The following PLD5 variants were observed in gnomAD, a reference collection of about 807,000 sequenced individuals.
PLD5 encodes the protein phospholipase D family member 5.
In PLD5, 36 loss-of-function variants were observed where a neutral mutation model predicts 61.1. That is an observed-to-expected ratio of 0.59 (90% CI 0.45 to 0.78). The LOEUF (loss-of-function observed/expected upper bound fraction) is 0.78, where lower values mean the gene tolerates loss of function less well. Ranked by LOEUF, PLD5 falls within the 30% of genes least tolerant of loss-of-function variation. The pLI is 0.00. For synonymous variants in PLD5, 243 were observed against 242.8 expected (o/e 1.00, Z -0.01); for missense variants, 515 against 644.4 (o/e 0.80, Z 2.17).
chr1:242,365,006 A>T lies in PLD5; in HGVS notation c.190-16764T>A, dbSNP rs1425876152. On this transcript the variant is annotated intron_variant, in intron 1 of 9. Transcript: ENST00000536534. ...AAAAAAGAGAAGATACAAATTCCAA[A>T]TATCTCTATGAGAAACAGGACATCA... is the stretch of plus-strand genomic sequence containing the variant. Among the ~76,000 whole-genome samples, 6 of 152,180 alleles carry T rather than the reference A, an allele frequency of 3.9e-5. No individual in the cohort carries two copies. In the South Asian group the frequency reaches 1.0e-3, roughly 26 times the overall value.
intron 5 of PLD5, among the ~76,000 whole-genome samples, chr1:242,134,102 C>G (rs557927723): frequency 2.6e-4 from 40 of 152,280 alleles, no homozygotes; most frequent in Non-Finnish European, 4.9e-4. Context: ...TGACAAAACA[C>G]TGGGCAAGAC....
intron 2 of PLD5, among the ~76,000 whole-genome samples, chr1:242,321,107 T>C (rs991653658): frequency 1.3e-5 from 2 of 152,146 alleles, no homozygotes; most frequent in Non-Finnish European, 2.9e-5. Context: ...GACTGCTTGC[T>C]CAGAGACCCA....
rs1659380728 is a variant in PLD5, at chr1:242,084,778, T to TTTTTTTTTTTA, written c.*5075_*5076insTAAAAAAAAAA. 8.2e-6 allele frequency: 1 copy of TTTTTTTTTTTA among 121,818 alleles called. No individual in the cohort carries two copies. Among genetic ancestry groups the TTTTTTTTTTTA allele is most frequent in the South Asian group, 2.8e-4 (1 of 3,590 alleles). 7.5% of individuals were successfully genotyped at this position (121,818 alleles called of 1,614,324 possible). ...TTTTTTTTTTTTTTTTTTTTTTTTT[T>TTTTTTTTTTTA]AGAGAAAGAGATAGGTATAGTGTTT... On this transcript the variant is annotated 3_prime_UTR_variant, in exon 10 of 10. Transcript: ENST00000536534.
chr1:242,215,683 C>G (rs1443003483), intron 5 of PLD5, among the ~76,000 whole-genome samples: 4 of 152,108 alleles, frequency 2.6e-5, no homozygotes, highest in Non-Finnish European at 2.9e-5. Flanking sequence ...TAGGACCTAA[C>G]CCGGTACCAG....
intron 2 of PLD5, among the ~76,000 whole-genome samples, chr1:242,322,763 C>T (rs1658501226): frequency 6.6e-6 from 1 of 152,162 alleles, no homozygotes. Flanking sequence ...TCCCCTTTGC[C>T]TTTTGCCACA....
At chr1:242,447,996 A>T (rs1175354194) in intron 1 of PLD5, among the ~76,000 whole-genome samples, 2 of 152,350 alleles carry the variant, frequency 1.3e-5, no homozygotes, top group East Asian at 3.9e-4. Flanking sequence ...CGAAGCACTC[A>T]GAGTCCCATT....
chr1:242,214,812 C>A lies in PLD5; in HGVS notation c.735+5176G>T, dbSNP rs868186977. 1.1e-4 allele frequency among the ~76,000 whole-genome samples: 17 copies of A among 151,072 alleles called. 1 individual carries two copies. The highest frequency in any genetic ancestry group is 3.4e-3 in the Middle Eastern group (1 of 290). On this transcript the variant is annotated intron_variant, in intron 5 of 9. Coordinates refer to ENST00000536534, the MANE Select transcript of PLD5 (RefSeq NM_001372062.1). Reference sequence around the variant, plus strand: ...GTACATTTAGCCATTGATACCAACACTCATCTAATTAGTGCACATGCTCTT... The same window carrying A: ...GTACATTTAGCCATTGATACCAACAATCATCTAATTAGTGCACATGCTCTT...
chr1:242,426,600 T>C (rs939687319), intron 1 of PLD5, among the ~76,000 whole-genome samples: 11 of 152,232 alleles, frequency 7.2e-5, no homozygotes, highest in African/African-American at 2.2e-4. Context: ...GGGACTGATA[T>C]CATACATGTG....
intron 2 of PLD5, among the ~76,000 whole-genome samples, chr1:242,341,422 T>G (rs887125593): frequency 6.6e-6 from 1 of 152,174 alleles, no homozygotes; most frequent in African/African-American, 2.4e-5. Context: ...GATATAAATC[T>G]AGATGTCTGT....
At chr1:242,126,981 AAGT>A (rs142742660) in intron 5 of PLD5, among the ~76,000 whole-genome samples, 7,374 of 152,202 alleles carry the variant, frequency 0.048, 596 homozygotes, top group African/African-American at 0.17. Flanking sequence ...CCCCATAAAA[AAGT>A]AGGCTAAGGA....
At chr1:242,418,649 T>G (rs1664959446) in intron 1 of PLD5, among the ~76,000 whole-genome samples, 1 of 152,198 alleles carries the variant, frequency 6.6e-6, no homozygotes, top group Non-Finnish European at 1.5e-5. Flanking sequence ...GTTCAAATGC[T>G]GCTGGTAGAT....
At chr1:242,131,985 C>G (rs1663295095) in intron 5 of PLD5, among the ~76,000 whole-genome samples, 1 of 151,574 alleles carries the variant, frequency 6.6e-6, no homozygotes, top group Admixed American at 6.6e-5. Context: ...GAGCACGCCA[C>G]TATGCCTGGC....
chr1:242,323,726 A>G (rs1260865222), intron 2 of PLD5, among the ~76,000 whole-genome samples: 1 of 152,126 alleles, frequency 6.6e-6, no homozygotes, highest in Non-Finnish European at 1.5e-5. Context: ...ACATTTAAAC[A>G]TTTTATTTTT....
chr1:242,443,590 C>G (rs547340504), intron 1 of PLD5, among the ~76,000 whole-genome samples: 322 of 152,012 alleles, frequency 2.1e-3, no homozygotes, highest in African/African-American at 7.3e-3. Context: ...AGTACAAAGG[C>G]AAAAAGTAAT....
intron 1 of PLD5, among the ~76,000 whole-genome samples, chr1:242,374,259 T>C (rs1661819270): frequency 1.3e-5 from 2 of 152,152 alleles, no homozygotes; most frequent in South Asian, 4.1e-4. Flanking sequence ...GAATAAGTTA[T>C]TAGAAGATCA....
intron 5 of PLD5, among the ~76,000 whole-genome samples, chr1:242,196,296 CG>C (rs1553321583): frequency 6.6e-6 from 1 of 152,156 alleles, no homozygotes; most frequent in Non-Finnish European, 1.5e-5. Flanking sequence ...TGCCCTCACG[CG>C]CTGTCGGTAC....
intron 1 of PLD5, among the ~76,000 whole-genome samples, chr1:242,389,381 CA>C (rs1023257993): frequency 2.0e-5 from 3 of 151,620 alleles, no homozygotes; most frequent in African/African-American, 4.8e-5. Flanking sequence ...TTTCGTTATC[CA>C]AAAAAACAGT....
At chr1:242,374,887 A>T (rs981241910) in intron 1 of PLD5, among the ~76,000 whole-genome samples, 5 of 152,188 alleles carry the variant, frequency 3.3e-5, no homozygotes, top group African/African-American at 1.2e-4. Context: ...TTGATGCAAT[A>T]AATTTGTATG....
intron 4 of PLD5, among the ~76,000 whole-genome samples, chr1:242,220,644 T>C (rs1232012979): frequency 2.0e-5 from 3 of 151,984 alleles, no homozygotes; most frequent in African/African-American, 7.2e-5. Context: ...ATTCCTTCCC[T>C]TTATTATTTA....
Sources: gnomAD v4.1 joint callset for allele counts (sites outside exome capture counted in the v4.1 genomes callset) on GRCh38, gnomAD v4.1.1 for gene constraint, MANE v1.5 for transcripts, NCBI Gene and HGNC (gene_info 2026-07-23, HGNC 2026-07-21) for gene names.